OSBPL3: variants seen among roughly 807,000 people sequenced by gnomAD.
The protein encoded by OSBPL3 is oxysterol-binding protein-related protein 3.
OSBPL3 carries 65 observed loss-of-function variants against 120.1 expected under a neutral mutation model. The ratio of observed to expected loss-of-function variants is 0.54; its 90% CI spans 0.44 to 0.67. OSBPL3 has a LOEUF of 0.67. Among genes scored for constraint, OSBPL3 ranks in the 30% least tolerant of loss-of-function variants. OSBPL3 has a pLI of 0.00. For synonymous variants in OSBPL3, 416 were observed against 402.6 expected, an observed-to-expected ratio of 1.03 and a Z score of -0.40; for missense variants, 1,004 against 1,082.1, an observed-to-expected ratio of 0.93 and a Z score of 1.01.
rs536499264 is a variant in OSBPL3 at position 24,957,996 on chromosome 7, T to C, written c.-150+21890A>G. 1.1e-3 allele frequency among the ~76,000 whole-genome samples: 165 copies of C among 152,320 alleles called. 1 individual carries two copies. The highest frequency in any genetic ancestry group is 2.0e-3 in the Non-Finnish European group (137 of 67,984). On this transcript the variant is annotated intron_variant, in intron 1 of 22. Transcript: ENST00000313367. Reference sequence around the variant, plus strand: ...CCCATTCTCTATATAAGCCATTATTTACTTAACATTCTCCCACATTTAGGT... The same window carrying C: ...CCCATTCTCTATATAAGCCATTATTCACTTAACATTCTCCCACATTTAGGT...
At position 24,881,082 on chromosome 7, in the gene OSBPL3, T is replaced by C. The variant is rs535076248; in HGVS notation, c.97-9013A>G. 7.2e-5 allele frequency among the ~76,000 whole-genome samples: 11 copies of C among 152,312 alleles called. No individual in the cohort carries two copies. The East Asian group carries it at 9.6e-4, about 13-fold the overall frequency. On this transcript the variant is annotated intron_variant, in intron 2 of 22. Coordinates refer to ENST00000313367, the MANE Select transcript of OSBPL3 (RefSeq NM_015550.4). The surrounding 1 kb of genome is among the most constrained non-coding windows in gnomAD (Gnocchi z 4.3). Reference sequence around the variant, plus strand: ...GCTGGACAGCACCAGCTGAGAACAGTGCTCTCTCTTACAGAGTGCTCAAAA... The same window carrying C: ...GCTGGACAGCACCAGCTGAGAACAGCGCTCTCTCTTACAGAGTGCTCAAAA...
At chr7:24,837,904 A>C (rs1425013693) in intron 14 of OSBPL3, among the ~76,000 whole-genome samples, 1 of 152,222 alleles carries the variant, frequency 6.6e-6, no homozygotes, top group Non-Finnish European at 1.5e-5. Context: ...ACAGGTCCTA[A>C]TATGTGCCCA....
At chr7:24,814,023 T>C (rs1357187595) in intron 19 of OSBPL3, among the ~76,000 whole-genome samples, 2 of 151,870 alleles carry the variant, frequency 1.3e-5, no homozygotes, top group Non-Finnish European at 2.9e-5. Context: ...GAGTCAAGGA[T>C]GATGAGGAGG....
intron 2 of OSBPL3, among the ~76,000 whole-genome samples, chr7:24,880,306 C>T (rs993636233): frequency 1.3e-5 from 2 of 152,160 alleles, no homozygotes; most frequent in African/African-American, 4.8e-5. Flanking sequence ...CCACGCAGAA[C>T]CTCGCAGCTG....
intron 1 of OSBPL3, among the ~76,000 whole-genome samples, chr7:24,927,835 G>GA (rs1026396775): frequency 5.3e-5 from 8 of 151,662 alleles, no homozygotes; most frequent in African/African-American, 1.2e-4. Flanking sequence ...TTTTTGTAAA[G>GA]AAAAAAAATG....
intron 2 of OSBPL3, among the ~76,000 whole-genome samples, chr7:24,876,799 C>T (rs1802911967): frequency 6.6e-6 from 1 of 152,126 alleles, no homozygotes; most frequent in Non-Finnish European, 1.5e-5. Flanking sequence ...TTGGAGAACA[C>T]TTTCTAGCTC....
At position 24,964,869 on chromosome 7, in the gene OSBPL3, T is replaced by C. The variant is rs1317249033; in HGVS notation, c.-150+15017A>G. On this transcript the variant is annotated intron_variant, in intron 1 of 22. Coordinates refer to ENST00000313367, the MANE Select transcript of OSBPL3 (RefSeq NM_015550.4). This position sits in a 1 kb window ranked among gnomAD's most constrained non-coding sequence, Gnocchi z 4.2. ...TTAAAAGTTGTTTTGTGTTGGGGGC[T>C]GTGATTAAAATAAGTAAAGTTGGAC... 6.6e-6 allele frequency among the ~76,000 whole-genome samples: 1 copy of C among 152,230 alleles called. No homozygotes were observed. The highest frequency in any genetic ancestry group is 1.5e-5 in the Non-Finnish European group (1 of 68,038).
intron 2 of OSBPL3, among the ~76,000 whole-genome samples, chr7:24,874,370 C>G (rs959140761): frequency 5.9e-5 from 9 of 152,172 alleles, no homozygotes; most frequent in African/African-American, 2.2e-4. Context: ...CTGCAGAGCA[C>G]TAATACTAAA....
Position 24,821,554 on chromosome 7 carries a change from G to A in OSBPL3, c.1885-1316C>T, listed in dbSNP as rs568897059. Among the ~76,000 whole-genome samples, 6 of 152,174 alleles carry A rather than the reference G, an allele frequency of 3.9e-5. No individual in the cohort carries two copies. The highest frequency in any genetic ancestry group is 7.3e-5 in the Non-Finnish European group (5 of 68,030). On this transcript the variant is annotated intron_variant, in intron 16 of 22. Transcript: ENST00000313367. This position sits in a 1 kb window ranked among gnomAD's most constrained non-coding sequence, Gnocchi z 5.5. ...CAGGCCTCCAGCAGGAGGACTGCAC[G>A]GCTGGGAGGATGTGGTCACACACGC...
At chr7:24,909,916 T>G (rs942355724) in intron 1 of OSBPL3, among the ~76,000 whole-genome samples, 1 of 151,140 alleles carries the variant, frequency 6.6e-6, no homozygotes, top group African/African-American at 2.4e-5. Flanking sequence ...GCAATTCTTC[T>G]GCCTCAGTCT....
intron 1 of OSBPL3, among the ~76,000 whole-genome samples, chr7:24,956,020 T>C (rs912691314): frequency 1.3e-5 from 2 of 152,208 alleles, no homozygotes; most frequent in Admixed American, 6.5e-5. Context: ...ATTTCCACTT[T>C]ATATTCTAGA....
chr7:24,946,174 G>T lies in OSBPL3; in HGVS notation c.-150+33712C>A, dbSNP rs1345168895. On this transcript the variant is annotated intron_variant, in intron 1 of 22. Coordinates refer to ENST00000313367, the MANE Select transcript of OSBPL3 (RefSeq NM_015550.4). This position sits in a 1 kb window ranked among gnomAD's most constrained non-coding sequence, Gnocchi z 4.3. ...GGAGCTCAGCTGGGGCTGCTGGCTG[G>T]GTCACCTACACATGGTTTCTCCAGC... Among the ~76,000 whole-genome samples the T allele has an allele frequency of 2.0e-5, 3 of 151,992 alleles. No homozygotes were observed. The highest frequency in any genetic ancestry group is 4.4e-5 in the Non-Finnish European group (3 of 68,000).
intron 1 of OSBPL3, among the ~76,000 whole-genome samples, chr7:24,951,738 GAA>G (rs1205902882): frequency 2.6e-5 from 4 of 152,156 alleles, no homozygotes; most frequent in Non-Finnish European, 5.9e-5. Flanking sequence ...CCACGGGGGA[GAA>G]ACCTGTATTA....
intron 10 of OSBPL3, among the ~76,000 whole-genome samples, chr7:24,860,684 T>A (rs533040659): frequency 6.6e-6 from 1 of 152,344 alleles, no homozygotes; most frequent in South Asian, 2.1e-4. Flanking sequence ...TACTATGTAA[T>A]GTTTTGAGAT....
In OSBPL3 at chr7:24,831,569, G is replaced by A. The variant is rs1185532438; in HGVS notation, c.1747-664C>T. On this transcript the variant is annotated intron_variant, in intron 15 of 22. Coordinates refer to ENST00000313367, the MANE Select transcript of OSBPL3 (RefSeq NM_015550.4). The surrounding 1 kb of genome is among the most constrained non-coding windows in gnomAD (Gnocchi z 4.0). ...ACGAAGTGAACAAACTCTCTGGGCA[G>A]CCCTTACTGTGAGGTCTTGGCGTCT... is the stretch of plus-strand genomic sequence containing the variant. 6.6e-6 allele frequency among the ~76,000 whole-genome samples: 1 copy of A among 152,206 alleles called. No homozygotes were observed.
intron 1 of OSBPL3, among the ~76,000 whole-genome samples, chr7:24,897,865 G>A (rs1212616151): frequency 2.0e-5 from 3 of 152,176 alleles, no homozygotes; most frequent in Non-Finnish European, 2.9e-5. Flanking sequence ...AATCCATTAG[G>A]CCTGGGGGTC....
At chr7:24,845,401 AAAAAAAAAAAAAAG>A (rs1798300485) in intron 12 of OSBPL3, among the ~76,000 whole-genome samples, 1 of 147,570 alleles carries the variant, frequency 6.8e-6, no homozygotes, top group East Asian at 1.9e-4. Context: ...AAAAAAAAAA[AAAAAAAAAAAAAAG>A]AAAACCCATA....
chr7:24,934,950 T>C (rs1477908020), intron 1 of OSBPL3, among the ~76,000 whole-genome samples: 3 of 152,210 alleles, frequency 2.0e-5, no homozygotes, highest in Admixed American at 6.5e-5. Context: ...AAATTGTATG[T>C]AGCCATTTAA....
At chr7:24,812,975 C>T (rs1269487354) in intron 19 of OSBPL3, among the ~76,000 whole-genome samples, 3 of 152,178 alleles carry the variant, frequency 2.0e-5, no homozygotes, top group African/African-American at 7.2e-5. Context: ...AATTTCTGAG[C>T]TCAAGTGCTC....
Sources: allele counts gnomAD v4.1 joint callset (sites outside exome capture counted in the v4.1 genomes callset), GRCh38; gene constraint gnomAD v4.1.1; non-coding constraint Gnocchi (gnomAD v3.1); transcripts MANE v1.5; gene names NCBI Gene and HGNC (gene_info 2026-07-23, HGNC 2026-07-21).